The following MICU1 variants were observed in gnomAD, a reference collection of about 807,000 sequenced individuals.
MICU1 encodes the protein calcium uptake protein 1, mitochondrial.
Under a neutral mutation model 56.8 loss-of-function variants are expected in MICU1, and 45 were observed. The observed-to-expected ratio is 0.79, with a 90% CI of 0.62 to 1.02. The LOEUF (loss-of-function observed/expected upper bound fraction) is 1.02. Among genes scored for constraint, MICU1 ranks in the 50% least tolerant of loss-of-function variants. The pLI is 0.00. For synonymous variants in MICU1, 186 were observed against 195.1 expected (o/e 0.95, Z 0.39); for missense variants, 504 against 587.1 (o/e 0.86, Z 1.46).
intron 10 of MICU1, among the ~76,000 whole-genome samples, chr10:72,406,304 A>G (rs1180720450): frequency 6.6e-6 from 1 of 152,158 alleles, no homozygotes; most frequent in African/African-American, 2.4e-5. Flanking sequence ...TAATAAAACT[A>G]TAAGACCACT....
chr10:72,447,296 A>G (rs1865135693), intron 8 of MICU1, among the ~76,000 whole-genome samples: 1 of 152,342 alleles, frequency 6.6e-6, no homozygotes, highest in South Asian at 2.1e-4. Flanking sequence ...TGAAGTAGGC[A>G]TAATAGCTAC....
At chr10:72,581,653 G>A (rs1447750414) in intron 1 of MICU1, among the ~76,000 whole-genome samples, 2 of 152,206 alleles carry the variant, frequency 1.3e-5, no homozygotes, top group Non-Finnish European at 2.9e-5. Flanking sequence ...ACTACCAACA[G>A]AACTAACAAG....
At position 72,423,363 on chromosome 10, in the gene MICU1, G is replaced by T. The variant is rs773546771; in HGVS notation, c.942C>A (p.Arg314=). The T allele has an allele frequency of 3.1e-6, 5 of 1,613,528 alleles. No individual in the cohort carries two copies. Among genetic ancestry groups the T allele is most frequent in the Non-Finnish European group, 4.2e-6 (5 of 1,179,768 alleles). Residue 314 remains arginine (R), a synonymous_variant, in exon 9 of 12, where the codon CGC becomes CGA. Coordinates refer to ENST00000361114, the MANE Select transcript of MICU1 (RefSeq NM_001195518.2). ...QHDVLKLEFE[R]HDPVDGRITE... is the part of the protein sequence containing the mutation. ...TAATTCTCCCATCCACAGGGTCATG[G>T]CGTTCAAACTGGGAGGGAAACAGAA...
At chr10:72,443,311 T>G (rs1053258852) in intron 8 of MICU1, among the ~76,000 whole-genome samples, 4 of 152,166 alleles carry the variant, frequency 2.6e-5, no homozygotes, top group African/African-American at 9.7e-5. Flanking sequence ...TTTCTCCCAT[T>G]TTGTGGGTTG....
At chr10:72,371,391 A>G (rs1014030597) in intron 11 of MICU1, among the ~76,000 whole-genome samples, 14 of 150,930 alleles carry the variant, frequency 9.3e-5, no homozygotes, top group Non-Finnish European at 1.8e-4. Context: ...CGTCTCAAAA[A>G]AAAAAAAAAA....
chr10:72,372,403 G>C (rs1173950535), intron 11 of MICU1, among the ~76,000 whole-genome samples: 1 of 152,070 alleles, frequency 6.6e-6, no homozygotes, highest in Non-Finnish European at 1.5e-5. Flanking sequence ...AGGCCAAGAA[G>C]GGAGGACTAC....
At chr10:72,578,730 C>A (rs1057198825) in intron 1 of MICU1, among the ~76,000 whole-genome samples, 48 of 152,000 alleles carry the variant, frequency 3.2e-4, no homozygotes, top group Non-Finnish European at 4.4e-5. Context: ...GCCTCAGTCT[C>A]CCGAGTAGCT....
chr10:72,563,096 T>C lies in MICU1; in HGVS notation c.162-33A>G, dbSNP rs751649984. The C allele has an allele frequency of 9.6e-6, 14 of 1,456,580 alleles. No homozygotes were observed. The Admixed American group carries it at 1.1e-4, about 11-fold the overall frequency. The allele number at this position is 1,456,580 out of a possible 1,614,324, so 90.2% of individuals were successfully genotyped here. A position where few individuals can be genotyped will look rare whatever the true frequency, so the allele number is the denominator to read the frequency against. On this transcript the variant is annotated intron_variant, in intron 2 of 11. Transcript: ENST00000361114. ...TGCAAAAAAGAAATCTAGATTAATC[T>C]TGAACGTCCATCATACTAGACAAAT...
chr10:72,507,405 G>A (rs1867289378), intron 6 of MICU1, among the ~76,000 whole-genome samples: 1 of 152,152 alleles, frequency 6.6e-6, no homozygotes, highest in Admixed American at 6.6e-5. Context: ...AATGCTCTAA[G>A]TGAGTCAAAA....
chr10:72,597,409 C>T (rs1305625707), intron 1 of MICU1, among the ~76,000 whole-genome samples: 1 of 152,140 alleles, frequency 6.6e-6, no homozygotes, highest in African/African-American at 2.4e-5. Context: ...ACAGGAGTTC[C>T]ATGAGAGACT....
intron 9 of MICU1, among the ~76,000 whole-genome samples, chr10:72,408,808 A>G (rs1172732919): frequency 6.6e-6 from 1 of 152,238 alleles, no homozygotes; most frequent in Non-Finnish European, 1.5e-5. Context: ...AAAGTCAGTG[A>G]TATACAGGGG....
intron 10 of MICU1, among the ~76,000 whole-genome samples, chr10:72,394,364 C>A (rs182716186): frequency 1.3e-5 from 2 of 152,214 alleles, no homozygotes; most frequent in Non-Finnish European, 2.9e-5. Flanking sequence ...GAGGCTGGGC[C>A]CCTGTAATCC....
chr10:72,576,615 G>A (rs1458398625), intron 1 of MICU1, among the ~76,000 whole-genome samples: 1 of 152,216 alleles, frequency 6.6e-6, no homozygotes, highest in Non-Finnish European at 1.5e-5. Flanking sequence ...CATAAAAGGT[G>A]CAAGGTGAAG....
chr10:72,437,235 C>T (rs925165364), intron 8 of MICU1, among the ~76,000 whole-genome samples: 2 of 152,092 alleles, frequency 1.3e-5, no homozygotes, highest in Non-Finnish European at 2.9e-5. Flanking sequence ...AGAGTGGGGG[C>T]CAATATTCAA....
intron 4 of MICU1, among the ~76,000 whole-genome samples, chr10:72,547,522 T>C (rs896445593): frequency 1.4e-4 from 16 of 115,772 alleles, no homozygotes; most frequent in Middle Eastern, 4.7e-3. Context: ...TGAATGAATA[T>C]ATACACATAT....
At chr10:72,500,302 A>ATTTTTTTT (rs542725786) in intron 6 of MICU1, among the ~76,000 whole-genome samples, 1 of 10,668 alleles carries the variant, frequency 9.4e-5, no homozygotes, top group Non-Finnish European at 3.0e-4. Context: ...ATATATATAT[A>ATTTTTTTT]TTTTTTTTTT....
Position 72,475,316 on chromosome 10 carries a change from C to T in MICU1, c.736-19G>A, listed in dbSNP as rs1212053104. 6.4e-7 allele frequency: 1 copy of T among 1,559,564 alleles called. No homozygotes were observed. The highest frequency in any genetic ancestry group is 8.7e-7 in the Non-Finnish European group (1 of 1,150,638). On this transcript the variant is annotated intron_variant, in intron 7 of 11. Transcript: ENST00000361114. ...TCTGAACCTAATACAGAATCAAACCCACATCCAGAAAAATATTAGGAAGTG... is the reference window on the plus strand; with the variant it reads ...TCTGAACCTAATACAGAATCAAACCTACATCCAGAAAAATATTAGGAAGTG...
chr10:72,512,743 A>G (rs1205987421), intron 5 of MICU1, among the ~76,000 whole-genome samples: 3 of 149,288 alleles, frequency 2.0e-5, no homozygotes, highest in African/African-American at 7.5e-5. Context: ...TCTGACACCC[A>G]GGCTGGAGTG....
chr10:72,620,278 G>A (rs550293533), intron 1 of MICU1, among the ~76,000 whole-genome samples: 10 of 152,142 alleles, frequency 6.6e-5, no homozygotes, highest in Admixed American at 2.0e-4. Flanking sequence ...TCCGCCTCCC[G>A]GGTTCAGGCA....
Sources: allele counts gnomAD v4.1 joint callset (sites outside exome capture counted in the v4.1 genomes callset), GRCh38; gene constraint gnomAD v4.1.1; transcripts MANE v1.5; gene names NCBI Gene and HGNC (gene_info 2026-07-23, HGNC 2026-07-21).